THSD7B: variants seen among roughly 807,000 people sequenced by gnomAD.
THSD7B encodes thrombospondin type-1 domain-containing protein 7B.
A neutral mutation model predicts 213.6 loss-of-function variants in THSD7B; 138 were observed. The observed-to-expected ratio is 0.65, with a 90% CI of 0.56 to 0.74. THSD7B has a LOEUF of 0.74. Among genes scored for constraint, THSD7B ranks in the 30% least tolerant of loss-of-function variants. The probability of loss-of-function intolerance (pLI) is 0.00; values close to 1 mark genes in which losing one functional copy is unlikely to be tolerated. For synonymous variants in THSD7B, 742 were observed against 687.0 expected, an observed-to-expected ratio of 1.08 and a Z score of -1.25; for missense variants, 1,931 against 1,991.5, an observed-to-expected ratio of 0.97 and a Z score of 0.58.
intron 3 of THSD7B, among the ~76,000 whole-genome samples, chr2:137,093,642 G>C (rs530051014): frequency 1.3e-5 from 2 of 152,174 alleles, no homozygotes; most frequent in South Asian, 4.2e-4. Flanking sequence ...TGTAGCTCAG[G>C]TGTCCTCTCT....
intron 2 of THSD7B, among the ~76,000 whole-genome samples, chr2:136,954,770 T>C (rs1685098444): frequency 6.6e-6 from 1 of 151,146 alleles, no homozygotes. Context: ...GTTTATCTTA[T>C]TGTTTCTTTT....
At chr2:137,263,435 A>G (rs536003718) in intron 10 of THSD7B, among the ~76,000 whole-genome samples, 1 of 152,198 alleles carries the variant, frequency 6.6e-6, no homozygotes. Flanking sequence ...GCCCAAGGTC[A>G]TATAGCAATT....
intron 27 of THSD7B, among the ~76,000 whole-genome samples, chr2:137,668,980 G>C (rs975914544): frequency 2.0e-5 from 3 of 152,150 alleles, no homozygotes; most frequent in African/African-American, 7.2e-5. Flanking sequence ...AGTTGATGCA[G>C]TTCAAACCTG....
intron 1 of THSD7B, among the ~76,000 whole-genome samples, chr2:136,771,019 T>C (rs998959417): frequency 4.6e-5 from 7 of 152,188 alleles, no homozygotes; most frequent in Admixed American, 3.3e-4. Context: ...CTGCCACAAC[T>C]GTAAATTCTT....
At position 137,662,061 on chromosome 2, in the gene THSD7B, T is replaced by TA. The variant is rs1491166186; in HGVS notation, c.4459-1322_4459-1321insA. On this transcript the variant is annotated intron_variant, in intron 25 of 27. Transcript: ENST00000409968. ...CACCAGCTTCAGGTGTTTTCTTTTT[T>TA]CTTTTTTTTTTTTTTTTTGAGATGG... Among the ~76,000 whole-genome samples the TA allele has an allele frequency of 9.3e-4, 136 of 146,826 alleles. 1 individual carries two copies. Among genetic ancestry groups the TA allele is most frequent in the African/African-American group, 3.2e-3 (124 of 39,146 alleles).
At position 137,311,375 on chromosome 2, in the gene THSD7B, A is replaced by C. The variant is rs972703268; in HGVS notation, c.2500+35349A>C. Among the ~76,000 whole-genome samples, 11 of 152,176 alleles carry C rather than the reference A, an allele frequency of 7.2e-5. No individual in the cohort carries two copies. The East Asian group carries it at 1.9e-3, about 27-fold the overall frequency. ...GATTTTGTATCCTGAGACTTTGCTG[A>C]AGTTGCTTATCAGCTTAAGGAGATT... is the stretch of plus-strand genomic sequence containing the variant. On this transcript the variant is annotated intron_variant, in intron 12 of 27. Coordinates refer to ENST00000409968, the MANE Select transcript of THSD7B (RefSeq NM_001316349.2).
chr2:137,105,854 C>T (rs1248829838), intron 4 of THSD7B, among the ~76,000 whole-genome samples: 1 of 152,114 alleles, frequency 6.6e-6, no homozygotes, highest in Admixed American at 6.6e-5. Flanking sequence ...TGAAGGACCT[C>T]TTCAAGGAGA....
At chr2:137,235,727 T>C (rs1681749368) in intron 9 of THSD7B, among the ~76,000 whole-genome samples, 1 of 152,164 alleles carries the variant, frequency 6.6e-6, no homozygotes, top group African/African-American at 2.4e-5. Flanking sequence ...AAAATGTACA[T>C]AAGTGAGACT....
At chr2:137,268,008 T>G (rs1682636669) in intron 10 of THSD7B, among the ~76,000 whole-genome samples, 1 of 152,238 alleles carries the variant, frequency 6.6e-6, no homozygotes, top group Non-Finnish European at 1.5e-5. Flanking sequence ...TGCCTCAGAC[T>G]CTACTTCTTT....
At chr2:136,977,106 T>G (rs1389891642) in intron 2 of THSD7B, among the ~76,000 whole-genome samples, 2 of 152,202 alleles carry the variant, frequency 1.3e-5, no homozygotes, top group Non-Finnish European at 2.9e-5. Flanking sequence ...CTAAGCTTTT[T>G]TTTTGGTTGA....
intron 12 of THSD7B, among the ~76,000 whole-genome samples, chr2:137,311,144 A>G (rs1461055206): frequency 6.6e-6 from 1 of 151,178 alleles, no homozygotes; most frequent in Non-Finnish European, 1.5e-5. Context: ...TGAGCATGGA[A>G]TGTTCTTCCA....
chr2:136,952,219 C>T (rs995428365), intron 2 of THSD7B, among the ~76,000 whole-genome samples: 1 of 151,874 alleles, frequency 6.6e-6, no homozygotes, highest in Non-Finnish European at 1.5e-5. Context: ...CCCCACCCCC[C>T]CAAAAAAGCA....
At chr2:137,303,205 T>C (rs571851572) in intron 12 of THSD7B, among the ~76,000 whole-genome samples, 19 of 152,242 alleles carry the variant, frequency 1.2e-4, no homozygotes, top group African/African-American at 3.8e-4. Flanking sequence ...TTATGTTTTG[T>C]AGAGACATAA....
intron 7 of THSD7B, among the ~76,000 whole-genome samples, chr2:137,172,614 A>G (rs577795541): frequency 1.3e-5 from 2 of 152,268 alleles, no homozygotes; most frequent in Non-Finnish European, 2.9e-5. Flanking sequence ...AATATCCTTT[A>G]TGATAAACCA....
At chr2:136,777,805 G>A (rs932376689) in intron 1 of THSD7B, among the ~76,000 whole-genome samples, 8 of 152,092 alleles carry the variant, frequency 5.3e-5, no homozygotes, top group African/African-American at 1.9e-4. Flanking sequence ...CAGGTAAAAG[G>A]GAAAATTAAT....
chr2:136,823,811 AAAG>A (rs1409760043), intron 1 of THSD7B, among the ~76,000 whole-genome samples: 1 of 151,878 alleles, frequency 6.6e-6, no homozygotes, highest in Non-Finnish European at 1.5e-5. Context: ...CTAAATTAAC[AAAG>A]AAGATCTGGA....
At chr2:137,635,717 G>A (rs911384748) in intron 20 of THSD7B, among the ~76,000 whole-genome samples, 1 of 151,222 alleles carries the variant, frequency 6.6e-6, no homozygotes, top group Non-Finnish European at 1.5e-5. Flanking sequence ...TATTCCGCAA[G>A]TTTCTTTTTT....
intron 15 of THSD7B, among the ~76,000 whole-genome samples, chr2:137,516,366 G>A (rs1680068328): frequency 6.6e-6 from 1 of 152,262 alleles, no homozygotes; most frequent in Non-Finnish European, 1.5e-5. Flanking sequence ...CTTGAATGAA[G>A]GAGAGACCAG....
At chr2:137,386,771 G>T (rs914046470) in intron 12 of THSD7B, among the ~76,000 whole-genome samples, 2 of 152,110 alleles carry the variant, frequency 1.3e-5, no homozygotes, top group African/African-American at 4.8e-5. Flanking sequence ...CAAGTTTAGA[G>T]GTGATACAGG....
Sources: allele counts gnomAD v4.1 joint callset (sites outside exome capture counted in the v4.1 genomes callset), GRCh38; gene constraint gnomAD v4.1.1; transcripts MANE v1.5; gene names NCBI Gene and HGNC (gene_info 2026-07-23, HGNC 2026-07-21).